Variants in SAXO1 observed in about 807,000 individuals in gnomAD.
SAXO1 encodes the protein 4930500O09Rik.
SAXO1 carries 21 observed loss-of-function variants against 17.5 expected under a neutral mutation model. The observed-to-expected ratio is 1.20, with a 90% CI of 0.85 to 1.72. The LOEUF is 1.72. Among genes scored for constraint, SAXO1 ranks in the 40% most tolerant of loss-of-function variants. The pLI is 0.00. For synonymous variants in SAXO1, 274 were observed against 216.5 expected (o/e 1.27, Z -2.33); for missense variants, 843 against 596.0 (o/e 1.41, Z -4.32).
intron 1 of SAXO1, among the ~76,000 whole-genome samples, chr9:19,041,096 T>C (rs7860336): frequency 6.7e-6 from 1 of 150,228 alleles, no homozygotes; most frequent in South Asian, 2.1e-4. Flanking sequence ...TACAGTAACA[T>C]TGCAGGATAC....
At chr9:18,969,862 C>T (rs1468204739) in intron 1 of SAXO1, among the ~76,000 whole-genome samples, 2 of 152,206 alleles carry the variant, frequency 1.3e-5, no homozygotes, top group East Asian at 1.9e-4. Flanking sequence ...GGAAGCAAGG[C>T]CAATGGGGTT....
intron 3 of SAXO1, among the ~76,000 whole-genome samples, chr9:18,929,323 G>A (rs377618307): frequency 6.6e-6 from 1 of 152,220 alleles, no homozygotes; most frequent in Non-Finnish European, 1.5e-5. Flanking sequence ...ATGGTCGTGA[G>A]AGGATCCAGG....
At chr9:18,977,367 C>T (rs958740054) in intron 1 of SAXO1, among the ~76,000 whole-genome samples, 5 of 142,170 alleles carry the variant, frequency 3.5e-5, no homozygotes, top group Non-Finnish European at 7.8e-5. Context: ...GCTGGGCATA[C>T]TGCTAATAGC....
At chr9:19,019,789 C>T (rs1459208329) in intron 1 of SAXO1, among the ~76,000 whole-genome samples, 1 of 152,082 alleles carries the variant, frequency 6.6e-6, no homozygotes, top group Non-Finnish European at 1.5e-5. Context: ...CTAACTGTTG[C>T]AAAATTCTTT....
intron 1 of SAXO1, among the ~76,000 whole-genome samples, chr9:19,024,012 CTTTTTTTTTTTTTTTTTTTT>C (rs71333077): frequency 7.9e-5 from 3 of 38,116 alleles, no homozygotes; most frequent in Non-Finnish European, 1.4e-4. Flanking sequence ...CTCTTTAAGG[CTTTTTTTTTTTTTTTTTTTT>C]TTTTTTTTTT....
intron 1 of SAXO1, among the ~76,000 whole-genome samples, chr9:19,017,700 A>C (rs535995986): frequency 6.6e-6 from 1 of 152,376 alleles, no homozygotes; most frequent in South Asian, 2.1e-4. Flanking sequence ...ATCCTGAATA[A>C]TATAACCATT....
chr9:18,973,241 A>G (rs1352050866), intron 1 of SAXO1, among the ~76,000 whole-genome samples: 1 of 152,210 alleles, frequency 6.6e-6, no homozygotes, highest in African/African-American at 2.4e-5. Flanking sequence ...TAATGGAATA[A>G]CTGGTTTTAA....
chr9:18,955,591 A>C (rs1230524326), intron 1 of SAXO1, among the ~76,000 whole-genome samples: 1 of 152,248 alleles, frequency 6.6e-6, no homozygotes, highest in Non-Finnish European at 1.5e-5. Context: ...TCTCTTTCTT[A>C]GGCTTTCTCT....
chr9:18,950,581 C>T (rs1049793716), intron 2 of SAXO1, among the ~76,000 whole-genome samples, 177 bp downstream of exon 2: 1 of 152,214 alleles, frequency 6.6e-6, no homozygotes, highest in East Asian at 1.9e-4. Flanking sequence ...ACTGAGAAGG[C>T]TCATAAATGC....
chr9:19,035,517 G>A (rs901164131), upstream of SAXO1, among the ~76,000 whole-genome samples: 2 of 152,176 alleles, frequency 1.3e-5, no homozygotes, highest in Admixed American at 1.3e-4. Flanking sequence ...GTGGGATGCT[G>A]CTGAAAAGTT....
chr9:18,991,705 T>TGTACCTAG (rs1251637865), intron 1 of SAXO1, among the ~76,000 whole-genome samples: 1 of 152,118 alleles, frequency 6.6e-6, no homozygotes, highest in Non-Finnish European at 1.5e-5. Flanking sequence ...CCCTAGAACT[T>TGTACCTAG]AAAGTACAAT....
intron 3 of SAXO1, among the ~76,000 whole-genome samples, chr9:18,937,219 C>A (rs947528735): frequency 2.0e-5 from 3 of 152,196 alleles, no homozygotes; most frequent in Non-Finnish European, 2.9e-5. Context: ...ACTGACCCAA[C>A]CAAATGGTAA....
At chr9:18,981,391 T>G (rs1833378387) in intron 1 of SAXO1, among the ~76,000 whole-genome samples, 1 of 152,180 alleles carries the variant, frequency 6.6e-6, no homozygotes, top group South Asian at 2.1e-4. Flanking sequence ...GTCATACGTG[T>G]GGTTGGTGGC....
At chr9:19,000,232 G>A (rs932597106) in intron 1 of SAXO1, among the ~76,000 whole-genome samples, 11 of 150,276 alleles carry the variant, frequency 7.3e-5, no homozygotes, top group Non-Finnish European at 1.3e-4. Context: ...GGGAAGTGAG[G>A]AGCGCCTCTG....
intron 1 of SAXO1, among the ~76,000 whole-genome samples, chr9:18,966,847 T>G (rs955724012): frequency 3.3e-5 from 5 of 152,340 alleles, no homozygotes; most frequent in African/African-American, 4.8e-5. Context: ...ATTTTCAGCC[T>G]TTTTGCACTG....
intron 3 of SAXO1, among the ~76,000 whole-genome samples, chr9:18,937,369 T>C (rs147743464): frequency 6.6e-5 from 10 of 152,276 alleles, no homozygotes; most frequent in East Asian, 5.8e-4. Flanking sequence ...CATTCATCCA[T>C]TGAGTCCCTC....
rs1212834106 is a variant in SAXO1 at position 18,990,642 on chromosome 9, C to A, written c.39-39705G>T. ...GCCTGTTAGGAACCAGGCTGCACAG[C>A]AGAAGGTGAGTGGCAGGCGAGCAAG... On this transcript the variant is annotated intron_variant, in intron 1 of 3. Transcript: ENST00000380534. 2.0e-5 allele frequency among the ~76,000 whole-genome samples: 3 copies of A among 152,122 alleles called. No individual in the cohort carries two copies. The South Asian group carries it at 6.3e-4, about 32-fold the overall frequency.
At chr9:18,951,878 G>C (rs1342306022) in intron 1 of SAXO1, among the ~76,000 whole-genome samples, 1 of 152,078 alleles carries the variant, frequency 6.6e-6, no homozygotes, top group African/African-American at 2.4e-5. Context: ...TTTTCATTCA[G>C]TAAATGTTTA....
At chr9:18,955,984 G>C (rs1832241516) in intron 1 of SAXO1, among the ~76,000 whole-genome samples, 1 of 151,314 alleles carries the variant, frequency 6.6e-6, no homozygotes. Flanking sequence ...TTGTCACCTA[G>C]ACTGGAGTAC....
Sources: gnomAD v4.1 joint callset for allele counts (sites outside exome capture counted in the v4.1 genomes callset) on GRCh38, gnomAD v4.1.1 for gene constraint, MANE v1.5 for transcripts, NCBI Gene and HGNC (gene_info 2026-07-23, HGNC 2026-07-21) for gene names.